Variants in MCC observed in about 807,000 individuals in gnomAD.
MCC encodes the protein colorectal mutant cancer protein.
Under a neutral mutation model 116.2 loss-of-function variants are expected in MCC, and 90 were observed. That is an observed-to-expected ratio of 0.77 (90% CI 0.65 to 0.92). MCC has a LOEUF of 0.92. MCC is among the 40% of genes least tolerant of loss of function. The pLI is 0.00. For synonymous variants in MCC, 578 were observed against 510.5 expected (o/e 1.13, Z -1.78); for missense variants, 1,516 against 1,312.2 (o/e 1.16, Z -2.40).
At chr5:113,255,579 G>T (rs73246604) in intron 3 of MCC, among the ~76,000 whole-genome samples, 16,333 of 152,224 alleles carry the variant, frequency 0.11, 1,382 homozygotes, top group Admixed American at 0.25. Flanking sequence ...AAGTGAGAAA[G>T]ATCTAACTAA....
At chr5:113,231,403 G>C (rs1187846958) in intron 3 of MCC, among the ~76,000 whole-genome samples, 3 of 152,122 alleles carry the variant, frequency 2.0e-5, no homozygotes, top group Non-Finnish European at 4.4e-5. Context: ...TTACAAAGTG[G>C]TGTCCTTTTG....
At chr5:113,251,461 C>A (rs1301869169) in intron 3 of MCC, among the ~76,000 whole-genome samples, 1 of 152,084 alleles carries the variant, frequency 6.6e-6, no homozygotes, top group East Asian at 1.9e-4. Flanking sequence ...TCTCTATAGC[C>A]AGGGTGACAA....
chr5:113,484,570 G>A (rs1772462633), intron 1 of MCC, among the ~76,000 whole-genome samples: 2 of 152,164 alleles, frequency 1.3e-5, no homozygotes, highest in Non-Finnish European at 2.9e-5. Flanking sequence ...AAGTTGTAAA[G>A]GGCACTTTGA....
intron 3 of MCC, among the ~76,000 whole-genome samples, chr5:113,273,302 G>A (rs1278390582): frequency 1.3e-5 from 2 of 152,158 alleles, no homozygotes; most frequent in Non-Finnish European, 1.5e-5. Context: ...GGGGGTCAGA[G>A]GTTTCCCACT....
chr5:113,195,182 C>T (rs1762335911), intron 3 of MCC, among the ~76,000 whole-genome samples: 1 of 152,204 alleles, frequency 6.6e-6, no homozygotes, highest in Admixed American at 6.5e-5. Flanking sequence ...AGCAATGGAC[C>T]TCGTGAGGGG....
At chr5:113,364,917 C>A (rs1768648353) in intron 2 of MCC, among the ~76,000 whole-genome samples, 1 of 152,146 alleles carries the variant, frequency 6.6e-6, no homozygotes, top group South Asian at 2.1e-4. Context: ...CACAGGGTGG[C>A]AGGTCTCTGG....
intron 14 of MCC, among the ~76,000 whole-genome samples, chr5:113,060,587 T>C (rs1169701087): frequency 6.6e-6 from 1 of 152,190 alleles, no homozygotes; most frequent in African/African-American, 2.4e-5. Flanking sequence ...AACTTTACCA[T>C]CCTATGCATT....
rs112704417 is a variant in MCC, at chr5:113,082,846, C to G, written c.1784+14G>C. 2.9e-4 allele frequency: 470 copies of G among 1,611,538 alleles called. 4 individuals are homozygous for G. The African/African-American group carries it at 5.3e-3, about 18-fold the overall frequency. ...TCCCTGCCCCACAATCAAATCGATA[C>G]GATCTCTCCTCACCTATTCAGCCGT... On this transcript the variant is annotated intron_variant, in intron 11 of 18. Transcript: ENST00000408903.
intron 3 of MCC, among the ~76,000 whole-genome samples, chr5:113,195,327 A>G (rs1345078): frequency 0.31 from 47,342 of 152,094 alleles, 8,860 homozygotes; most frequent in African/African-American, 0.53. Context: ...AAAGCAAATT[A>G]TAACAACCAG....
At chr5:113,429,572 T>C (rs1216627244) in intron 1 of MCC, among the ~76,000 whole-genome samples, 1 of 152,222 alleles carries the variant, frequency 6.6e-6, no homozygotes, top group Non-Finnish European at 1.5e-5. Context: ...TCTTTAGCTC[T>C]GCATCACTCC....
intron 3 of MCC, among the ~76,000 whole-genome samples, chr5:113,324,455 C>A (rs1324230141): frequency 6.6e-6 from 1 of 152,062 alleles, no homozygotes; most frequent in East Asian, 1.9e-4. Flanking sequence ...ACCAATCACC[C>A]AAATTACACA....
At chr5:113,253,445 G>A (rs1764876881) in intron 3 of MCC, among the ~76,000 whole-genome samples, 1 of 152,088 alleles carries the variant, frequency 6.6e-6, no homozygotes, top group African/African-American at 2.4e-5. Flanking sequence ...GGCATTGTGG[G>A]AACCTCTCCC....
At chr5:113,461,254 C>A (rs1170614661) in intron 1 of MCC, among the ~76,000 whole-genome samples, 1 of 152,040 alleles carries the variant, frequency 6.6e-6, no homozygotes, top group African/African-American at 2.4e-5. Context: ...GACCAAGACC[C>A]TGACTTAAAA....
At position 113,459,223 on chromosome 5, in the gene MCC, G is replaced by A. The variant is rs140371720; in HGVS notation, c.170+29022C>T. ...GAGAGAGAATATGAATGAAGACTCTGGAAAAATATACCTTTTGAAAAAGCC... is the reference window on the plus strand; with the variant it reads ...GAGAGAGAATATGAATGAAGACTCTAGAAAAATATACCTTTTGAAAAAGCC... On this transcript the variant is annotated intron_variant, in intron 1 of 18. Coordinates refer to ENST00000408903, the MANE Select transcript of MCC (RefSeq NM_001085377.2). Among the ~76,000 whole-genome samples the A allele has an allele frequency of 2.0e-3, 291 of 149,126 alleles. 1 individual carries two copies. Among genetic ancestry groups the A allele is most frequent in the African/African-American group, 6.8e-3 (275 of 40,372 alleles).
intron 4 of MCC, among the ~76,000 whole-genome samples, chr5:113,149,101 T>A (rs1489169613): frequency 2.0e-5 from 3 of 152,216 alleles, no homozygotes; most frequent in African/African-American, 7.2e-5. Context: ...TTAAATGCAT[T>A]CACAATTTTC....
Position 113,384,873 on chromosome 5 carries a change from C to G in MCC, c.415+95G>C, listed in dbSNP as rs116477919. The G allele has an allele frequency of 1.7e-3, 2,473 of 1,435,468 alleles. 45 individuals are homozygous for G. In the African/African-American group the frequency reaches 0.031, roughly 18 times the overall value. The allele number at this position is 1,435,468 out of a possible 1,614,324, so 88.9% of individuals were successfully genotyped here. A position where few individuals can be genotyped will look rare whatever the true frequency, so the allele number is the denominator to read the frequency against. The stretch of plus-strand genomic sequence containing the variant: ...AGGGCAGCCTCAGTATGAGCTGAGG[C>G]TGTGGCCTCATGATGGGGAGGCTAC... On this transcript the variant is annotated intron_variant, in intron 2 of 18. Transcript: ENST00000408903.
intron 3 of MCC, among the ~76,000 whole-genome samples, chr5:113,239,421 G>A (rs926286427): frequency 1.3e-5 from 2 of 152,204 alleles, no homozygotes; most frequent in Non-Finnish European, 2.9e-5. Flanking sequence ...GTCCTCGCAT[G>A]CAGCAGAGTT....
chr5:113,486,905 C>T (rs1202099246), intron 1 of MCC, among the ~76,000 whole-genome samples: 1 of 151,564 alleles, frequency 6.6e-6, no homozygotes, highest in African/African-American at 2.4e-5. Flanking sequence ...AGATAATAAC[C>T]TTTCAAGTAG....
chr5:113,023,097 G>C lies in MCC; in HGVS notation c.*4205C>G, dbSNP rs531169619. 3.9e-5 allele frequency: 6 copies of C among 152,200 alleles called. No homozygotes were observed. The highest frequency in any genetic ancestry group is 8.8e-5 in the Non-Finnish European group (6 of 68,036). 9.4% of individuals were successfully genotyped at this position (152,200 alleles called of 1,614,324 possible). ...CAGCCACTGAGAGATCAGTGATGCT[G>C]TGGTGACAGCAGTCAGCATTATTTC... On this transcript the variant is annotated 3_prime_UTR_variant, in exon 19 of 19. Transcript: ENST00000408903.
Sources: allele counts gnomAD v4.1 joint callset (sites outside exome capture counted in the v4.1 genomes callset), GRCh38; gene constraint gnomAD v4.1.1; transcripts MANE v1.5; gene names NCBI Gene and HGNC (gene_info 2026-07-23, HGNC 2026-07-21).